Variants in TMEM132D observed in about 807,000 individuals in gnomAD.
The protein encoded by TMEM132D is mature OL transmembrane protein.
Under a neutral mutation model 62.3 loss-of-function variants are expected in TMEM132D, and 21 were observed. The observed-to-expected ratio is 0.34, with a 90% CI of 0.24 to 0.49. TMEM132D has a LOEUF of 0.49. Ranked by LOEUF, TMEM132D falls within the 20% of genes least tolerant of loss-of-function variation. The probability of loss-of-function intolerance (pLI) is 0.99; values close to 1 mark genes in which losing one functional copy is unlikely to be tolerated. For synonymous variants in TMEM132D, 621 were observed against 575.6 expected (o/e 1.08, Z -1.13); for missense variants, 1,346 against 1,402.8 (o/e 0.96, Z 0.65).
intron 5 of TMEM132D, among the ~76,000 whole-genome samples, chr12:129,207,248 T>TGAG: frequency 6.6e-6 from 1 of 151,092 alleles, no homozygotes; most frequent in South Asian, 2.1e-4. Flanking sequence ...AGTCAGAAGA[T>TGAG]GAATACAGCA....
chr12:129,848,544 T>G (rs1363831323), intron 1 of TMEM132D, among the ~76,000 whole-genome samples: 1 of 152,142 alleles, frequency 6.6e-6, no homozygotes, highest in Non-Finnish European at 1.5e-5. Context: ...GAAGGTAAAA[T>G]AGTCTACATG....
chr12:129,148,220 C>T (rs2135534042), intron 5 of TMEM132D, among the ~76,000 whole-genome samples: 1 of 152,268 alleles, frequency 6.6e-6, no homozygotes, highest in Non-Finnish European at 1.5e-5. Context: ...TCAGTATTTG[C>T]TTTTGACTAA....
At chr12:129,833,375 C>T (rs759675660) in intron 1 of TMEM132D, among the ~76,000 whole-genome samples, 9 of 151,902 alleles carry the variant, frequency 5.9e-5, no homozygotes, top group Admixed American at 1.3e-4. Flanking sequence ...CTGAGGTGGG[C>T]GGATCATGTG....
chr12:129,258,292 A>G (rs996288502), intron 4 of TMEM132D, among the ~76,000 whole-genome samples: 1 of 152,168 alleles, frequency 6.6e-6, no homozygotes, highest in Admixed American at 6.5e-5. Flanking sequence ...TAAGGCATAG[A>G]ACATGCTAGC....
intron 4 of TMEM132D, among the ~76,000 whole-genome samples, chr12:129,305,956 C>T (rs979413731): frequency 9.2e-5 from 14 of 152,248 alleles, no homozygotes; most frequent in African/African-American, 2.4e-4. Flanking sequence ...ATAATTTCCC[C>T]GTGGTGCCTT....
intron 3 of TMEM132D, among the ~76,000 whole-genome samples, chr12:129,445,294 G>A (rs10847878): frequency 0.42 from 63,379 of 151,758 alleles, 15,683 homozygotes; most frequent in East Asian, 0.78. Context: ...GGAACAACAC[G>A]CTGGGGCCTA....
chr12:129,095,346 G>GTTTTTTTTT (rs34044401), intron 5 of TMEM132D, among the ~76,000 whole-genome samples: 2 of 105,354 alleles, frequency 1.9e-5, no homozygotes, highest in Admixed American at 1.3e-4. Flanking sequence ...ATGCCTGCTG[G>GTTTTTTTTT]TTTTTTTTTT....
At chr12:129,337,258 C>T (rs982792227) in intron 4 of TMEM132D, among the ~76,000 whole-genome samples, 44 of 152,038 alleles carry the variant, frequency 2.9e-4, no homozygotes, top group Non-Finnish European at 5.9e-5. Context: ...TACATGGACT[C>T]CAGAGCTGTG....
chr12:129,884,527 A>T (rs1234068922), intron 1 of TMEM132D, among the ~76,000 whole-genome samples: 1 of 152,286 alleles, frequency 6.6e-6, no homozygotes, highest in Non-Finnish European at 1.5e-5. Context: ...CAACATCATT[A>T]GTAATTAGGG....
intron 3 of TMEM132D, among the ~76,000 whole-genome samples, chr12:129,498,411 C>A (rs1008264524): frequency 1.3e-5 from 2 of 152,056 alleles, no homozygotes; most frequent in Admixed American, 1.3e-4. Flanking sequence ...ACACCACCAC[C>A]CTCAGCTAAT....
chr12:129,609,775 T>G (rs1489043072), intron 2 of TMEM132D, among the ~76,000 whole-genome samples: 1 of 152,160 alleles, frequency 6.6e-6, no homozygotes, highest in Admixed American at 6.5e-5. Context: ...GACAGCAACG[T>G]GGAACGGAAA....
At chr12:129,892,268 A>G (rs971388509) in intron 1 of TMEM132D, among the ~76,000 whole-genome samples, 2 of 152,206 alleles carry the variant, frequency 1.3e-5, no homozygotes, top group Non-Finnish European at 2.9e-5. Context: ...ACTAAGGCCC[A>G]AGAAAATTTT....
intron 5 of TMEM132D, among the ~76,000 whole-genome samples, chr12:129,175,429 T>C (rs1877876741): frequency 6.6e-6 from 1 of 152,226 alleles, no homozygotes; most frequent in Admixed American, 6.5e-5. Context: ...GTATCTCAGT[T>C]TCCTTATTTG....
At chr12:129,472,240 G>T (rs1228706852) in intron 3 of TMEM132D, among the ~76,000 whole-genome samples, 2 of 152,174 alleles carry the variant, frequency 1.3e-5, no homozygotes, top group Non-Finnish European at 2.9e-5. Context: ...CTTGTTAGGG[G>T]CTAATGCCAC....
At chr12:129,092,917 A>G (rs1170499556) in intron 5 of TMEM132D, among the ~76,000 whole-genome samples, 2 of 152,214 alleles carry the variant, frequency 1.3e-5, no homozygotes, top group Non-Finnish European at 2.9e-5. Context: ...TGGGCTAATC[A>G]GAGAAGAACT....
intron 2 of TMEM132D, among the ~76,000 whole-genome samples, chr12:129,644,054 C>G (rs1285887609): frequency 6.6e-6 from 1 of 152,072 alleles, no homozygotes; most frequent in Non-Finnish European, 1.5e-5. Flanking sequence ...AGGGTTTCAC[C>G]ATGTTGGCCA....
At chr12:129,585,817 GTGTGTGTGTGTGTGTGTGTGTGTC>G in intron 2 of TMEM132D, among the ~76,000 whole-genome samples, 1 of 148,902 alleles carries the variant, frequency 6.7e-6, no homozygotes, top group Non-Finnish European at 1.5e-5. Context: ...ATGCATGCAT[GTGTGTGTGTGTGTGTGTGTGTGTC>G]TGTGTGTGTG....
chr12:129,442,923 C>G (rs532656571), intron 3 of TMEM132D, among the ~76,000 whole-genome samples: 4 of 152,060 alleles, frequency 2.6e-5, no homozygotes. Flanking sequence ...TGGCTGACAA[C>G]CTCTGAAATT....
At chr12:129,725,009 C>G (rs1565963106) in intron 1 of TMEM132D, among the ~76,000 whole-genome samples, 2 of 152,182 alleles carry the variant, frequency 1.3e-5, no homozygotes, top group South Asian at 4.1e-4. Flanking sequence ...GGCCTGGCCC[C>G]AGAGCCCCTG....
Sources: allele counts gnomAD v4.1 joint callset (sites outside exome capture counted in the v4.1 genomes callset), GRCh38; gene constraint gnomAD v4.1.1; transcripts MANE v1.5; gene names NCBI Gene and HGNC (gene_info 2026-07-23, HGNC 2026-07-21).